DYM: variants seen among roughly 807,000 people sequenced by gnomAD.
DYM encodes the protein dymeclin.
A neutral mutation model predicts 93.1 loss-of-function variants in DYM; 78 were observed. The ratio of observed to expected loss-of-function variants is 0.84; its 90% CI spans 0.70 to 1.01. DYM has a LOEUF of 1.01. Among genes scored for constraint, DYM ranks in the 50% least tolerant of loss-of-function variants. The pLI is 0.00. For missense variants in DYM, 789 were observed against 845.0 expected (o/e 0.93, Z 0.82); for synonymous variants, 321 against 319.7 (o/e 1.00, Z -0.04).
At chr18:49,233,380 C>A (rs1241913340) in intron 13 of DYM, among the ~76,000 whole-genome samples, 27 of 149,780 alleles carry the variant, frequency 1.8e-4, no homozygotes, top group East Asian at 4.0e-4. Flanking sequence ...AGAAAAAAAA[C>A]ACCTTTCGCA....
intron 9 of DYM, among the ~76,000 whole-genome samples, chr18:49,285,393 T>A (rs918885361): frequency 6.6e-6 from 1 of 152,202 alleles, no homozygotes; most frequent in Admixed American, 6.5e-5. Context: ...TACATTAGTG[T>A]TCAAAATGTC....
chr18:49,110,417 G>A (rs1454329192), intron 16 of DYM, among the ~76,000 whole-genome samples: 2 of 152,004 alleles, frequency 1.3e-5, no homozygotes, highest in Non-Finnish European at 2.9e-5. Context: ...CTAGCAGTAA[G>A]TTCTCTCAGT....
intron 16 of DYM, 68 bp downstream of exon 16, chr18:49,118,676 G>C (rs1481941690): frequency 3.6e-6 from 5 of 1,407,014 alleles, no homozygotes; most frequent in Non-Finnish European, 5.0e-6. Flanking sequence ...TCTTACCAAG[G>C]CTTATTAAAC....
intron 2 of DYM, among the ~76,000 whole-genome samples, chr18:49,391,918 A>G (rs2069304290): frequency 6.6e-6 from 1 of 152,174 alleles, no homozygotes; most frequent in Non-Finnish European, 1.5e-5. Context: ...GACTTAGAAA[A>G]ATTCAAGAAA....
intron 1 of DYM, among the ~76,000 whole-genome samples, chr18:49,439,575 A>T (rs1487748372): frequency 6.6e-6 from 1 of 152,240 alleles, no homozygotes; most frequent in Admixed American, 6.5e-5. Context: ...TACTCAAAAA[A>T]TACTTGCTGA....
chr18:49,088,030 A>G (rs1291455601), intron 17 of DYM, among the ~76,000 whole-genome samples: 1 of 151,740 alleles, frequency 6.6e-6, no homozygotes, highest in African/African-American at 2.4e-5. Flanking sequence ...TTGTCAGATG[A>G]GTAGATTGCA....
At chr18:49,316,373 C>T (rs1233536333) in intron 8 of DYM, among the ~76,000 whole-genome samples, 1 of 152,178 alleles carries the variant, frequency 6.6e-6, no homozygotes, top group African/African-American at 2.4e-5. Flanking sequence ...TAAGTTTTCA[C>T]TGGCTTATTT....
chr18:49,318,887 G>A (rs753822980), intron 8 of DYM, among the ~76,000 whole-genome samples: 6 of 132,688 alleles, frequency 4.5e-5, no homozygotes, highest in Admixed American at 8.8e-5. Context: ...TGTAACCTCC[G>A]CCCTCTGAGT....
intron 16 of DYM, among the ~76,000 whole-genome samples, chr18:49,105,073 G>C (rs1052243424): frequency 6.6e-6 from 1 of 152,060 alleles, no homozygotes; most frequent in African/African-American, 2.4e-5. Context: ...ATTAATTATT[G>C]CCTCAATTTC....
chr18:49,159,570 T>C (rs1365014095), intron 15 of DYM, among the ~76,000 whole-genome samples: 1 of 152,192 alleles, frequency 6.6e-6, no homozygotes, highest in East Asian at 1.9e-4. Flanking sequence ...TTTTACTCTT[T>C]AGAAAGTTAC....
intron 17 of DYM, among the ~76,000 whole-genome samples, chr18:49,050,661 A>C (rs946625516): frequency 1.3e-5 from 2 of 152,000 alleles, no homozygotes; most frequent in Non-Finnish European, 2.9e-5. Flanking sequence ...AGCTCAGTGG[A>C]AATGACTCTG....
At chr18:49,264,429 A>G (rs1047849977) in intron 11 of DYM, among the ~76,000 whole-genome samples, 10 of 152,142 alleles carry the variant, frequency 6.6e-5, no homozygotes, top group Non-Finnish European at 1.3e-4. Context: ...CTACCAGCAT[A>G]TGAGAGTCCT....
intron 17 of DYM, among the ~76,000 whole-genome samples, chr18:49,066,567 T>C (rs548956440): frequency 1.3e-5 from 2 of 152,332 alleles, no homozygotes; most frequent in African/African-American, 4.8e-5. Context: ...AATTGTGCTA[T>C]GAACATTCTT....
intron 3 of DYM, among the ~76,000 whole-genome samples, chr18:49,383,037 A>G (rs2068208757): frequency 6.6e-6 from 1 of 152,208 alleles, no homozygotes; most frequent in African/African-American, 2.4e-5. Context: ...CCACGCAAGG[A>G]TACAATGAAC....
chr18:49,273,590 C>T (rs1428995538), intron 10 of DYM, among the ~76,000 whole-genome samples: 3 of 152,084 alleles, frequency 2.0e-5, no homozygotes, highest in Admixed American at 6.6e-5. Flanking sequence ...ACACAAACGC[C>T]ATTGTGTTAC....
At chr18:49,062,897 A>C (rs1463266590) in intron 17 of DYM, among the ~76,000 whole-genome samples, 1 of 152,192 alleles carries the variant, frequency 6.6e-6, no homozygotes, top group Non-Finnish European at 1.5e-5. Flanking sequence ...CGTGATGGGA[A>C]GGAGATTATA....
intron 15 of DYM, among the ~76,000 whole-genome samples, chr18:49,133,631 C>T (rs941258253): frequency 2.0e-5 from 3 of 152,208 alleles, no homozygotes. Context: ...CATTCCCCAT[C>T]ACATTGCCTC....
chr18:49,118,020 T>G (rs1297787960), intron 16 of DYM, among the ~76,000 whole-genome samples: 2 of 93,528 alleles, frequency 2.1e-5, no homozygotes, highest in South Asian at 7.7e-4. Flanking sequence ...TTTTTTTTTT[T>G]GTGTGTGAGA....
intron 16 of DYM, among the ~76,000 whole-genome samples, chr18:49,098,093 T>C (rs1216019700): frequency 6.6e-6 from 1 of 152,124 alleles, no homozygotes; most frequent in African/African-American, 2.4e-5. Flanking sequence ...ATTAACACAG[T>C]AGCATTCTGG....
Sources: gnomAD v4.1 joint callset for allele counts (sites outside exome capture counted in the v4.1 genomes callset) on GRCh38, gnomAD v4.1.1 for gene constraint, MANE v1.5 for transcripts, NCBI Gene and HGNC (gene_info 2026-07-23, HGNC 2026-07-21) for gene names.